The following PPARGC1A variants were observed in gnomAD, a reference collection of about 807,000 sequenced individuals.
The protein encoded by PPARGC1A is peroxisome proliferator-activated receptor gamma coactivator 1-alpha.
In PPARGC1A, 25 loss-of-function variants were observed where a neutral mutation model predicts 88.7. The ratio of observed to expected loss-of-function variants is 0.28; its 90% CI spans 0.21 to 0.39. The LOEUF (loss-of-function observed/expected upper bound fraction) is 0.39, where lower values mean the gene tolerates loss of function less well. Ranked by LOEUF, PPARGC1A falls within the 10% of genes least tolerant of loss-of-function variation. The pLI is 1.00. For synonymous variants in PPARGC1A, 363 were observed against 355.6 expected, an observed-to-expected ratio of 1.02 and a Z score of -0.24; for missense variants, 880 against 968.7, an observed-to-expected ratio of 0.91 and a Z score of 1.22.
At chr4:23,963,313 T>C in the PPARGC1A span, among the ~76,000 whole-genome samples, 4 of 152,194 alleles carry the variant, frequency 2.6e-5, no homozygotes, top group African/African-American at 4.8e-5. Context: ...CTTTACCCAC[T>C]GCAAGAACAT....
At position 23,813,713 on chromosome 4, in the gene PPARGC1A, A is replaced by C. The variant is rs1044267817; in HGVS notation, c.1770T>G (p.Ser590=). ...RSPYSRSRSR[S]PGSRSSSRSC... ...ACCTTGAAGAGGATCTACTGCCTGG[A>C]GACCTTGATCTTGACCTGGAATATG... Residue 590 remains serine, a synonymous_variant, in exon 8 of 13, where the codon TCT becomes TCG. Coordinates refer to ENST00000264867, the MANE Select transcript of PPARGC1A (RefSeq NM_013261.5). 1 of 1,605,846 alleles carries C rather than the reference A, an allele frequency of 6.2e-7. No individual in the cohort carries two copies. Among genetic ancestry groups the C allele is most frequent in the Non-Finnish European group, 8.5e-7 (1 of 1,175,166 alleles).
intron 7 of PPARGC1A, among the ~76,000 whole-genome samples, chr4:23,821,844 G>A (rs60744128): frequency 0.024 from 3,675 of 151,726 alleles, 73 homozygotes; most frequent in Non-Finnish European, 0.038. Context: ...ATTTAAACTT[G>A]GGTTTGCCCA....
chr4:24,122,941 G>A, the PPARGC1A span, among the ~76,000 whole-genome samples: 1 of 152,090 alleles, frequency 6.6e-6, no homozygotes, highest in Non-Finnish European at 1.5e-5. Context: ...TGTGAATATG[G>A]GCATAATTTA....
chr4:24,215,237 T>A, the PPARGC1A span, among the ~76,000 whole-genome samples: 1 of 152,288 alleles, frequency 6.6e-6, no homozygotes, highest in East Asian at 1.9e-4. Flanking sequence ...ACCAGCATCT[T>A]GTCAGCCCAT....
At chr4:23,984,834 C>T in the PPARGC1A span, among the ~76,000 whole-genome samples, 2 of 152,094 alleles carry the variant, frequency 1.3e-5, no homozygotes, top group South Asian at 2.1e-4. Context: ...GAACAAGAAC[C>T]GAAATCCACA....
At chr4:23,821,143 T>C (rs1722941442) in intron 7 of PPARGC1A, among the ~76,000 whole-genome samples, 1 of 152,154 alleles carries the variant, frequency 6.6e-6, no homozygotes. Flanking sequence ...CAATGAAGCC[T>C]ATTTAACATA....
At chr4:24,208,994 T>C in the PPARGC1A span, among the ~76,000 whole-genome samples, 11 of 152,314 alleles carry the variant, frequency 7.2e-5, no homozygotes, top group African/African-American at 2.6e-4. Flanking sequence ...TACCTAATTC[T>C]AGAACCCATG....
the PPARGC1A span, among the ~76,000 whole-genome samples, chr4:24,032,142 C>T: frequency 2.6e-5 from 4 of 152,316 alleles, no homozygotes; most frequent in South Asian, 6.2e-4. Flanking sequence ...ATAATAAAAA[C>T]TAACACTCAC....
chr4:24,336,958 T>C, the PPARGC1A span, among the ~76,000 whole-genome samples: 1 of 152,126 alleles, frequency 6.6e-6, no homozygotes, highest in African/African-American at 2.4e-5. Context: ...ATGGATGACT[T>C]TGTGCAAAAA....
the PPARGC1A span, among the ~76,000 whole-genome samples, chr4:24,298,186 G>GAAAA: frequency 6.8e-6 from 1 of 147,872 alleles, no homozygotes. Context: ...ATTACCAAAT[G>GAAAA]AAAAAAAAAA....
At chr4:23,956,359 T>C in the PPARGC1A span, among the ~76,000 whole-genome samples, 1 of 152,136 alleles carries the variant, frequency 6.6e-6, no homozygotes, top group Non-Finnish European at 1.5e-5. Context: ...ATGCTGCTGG[T>C]CTTGGGACCA....
At chr4:23,890,264 A>C, upstream of PPARGC1A, 1 of 358,574 alleles carries the variant, frequency 2.8e-6, no homozygotes, top group East Asian at 5.6e-5. Flanking sequence ...AAGAAAGGAA[A>C]CACTTAGACT....
the PPARGC1A span, among the ~76,000 whole-genome samples, chr4:24,185,600 G>A: frequency 6.6e-6 from 1 of 152,274 alleles, no homozygotes; most frequent in Non-Finnish European, 1.5e-5. Flanking sequence ...TAAAGATTAA[G>A]CTCTTTGTAT....
chr4:24,231,969 GA>G, the PPARGC1A span, among the ~76,000 whole-genome samples: 2 of 152,094 alleles, frequency 1.3e-5, no homozygotes, highest in African/African-American at 4.8e-5. Flanking sequence ...CAATTTAAGA[GA>G]AAAACTTTTC....
At chr4:24,380,726 T>C in the PPARGC1A span, among the ~76,000 whole-genome samples, 1 of 152,066 alleles carries the variant, frequency 6.6e-6, no homozygotes, top group Non-Finnish European at 1.5e-5. Context: ...AATCGACATG[T>C]CTTAATGGCC....
intron 2 of PPARGC1A, among the ~76,000 whole-genome samples, chr4:23,864,953 G>A (rs1357376224): frequency 6.6e-6 from 1 of 152,194 alleles, no homozygotes; most frequent in Non-Finnish European, 1.5e-5. Context: ...GGAGGCCAAG[G>A]TGGGTGAATT....
At chr4:24,341,871 G>A in the PPARGC1A span, among the ~76,000 whole-genome samples, 5 of 152,150 alleles carry the variant, frequency 3.3e-5, no homozygotes, top group Non-Finnish European at 7.4e-5. Context: ...CTATTAAGTG[G>A]TTGTTGAGTA....
intron 1 of PPARGC1A, among the ~76,000 whole-genome samples, chr4:23,895,236 C>T (rs901526876): frequency 5.4e-5 from 8 of 149,122 alleles, no homozygotes; most frequent in Admixed American, 1.3e-4. Flanking sequence ...ATTAGCTTAG[C>T]TTTTCTCGAT....
chr4:24,432,577 A>G, the PPARGC1A span, among the ~76,000 whole-genome samples: 1 of 152,212 alleles, frequency 6.6e-6, no homozygotes, highest in Non-Finnish European at 1.5e-5. Flanking sequence ...GGACTCACCC[A>G]GCATCCAGAG....
Sources: gnomAD v4.1 joint callset for allele counts (sites outside exome capture counted in the v4.1 genomes callset) on GRCh38, gnomAD v4.1.1 for gene constraint, MANE v1.5 for transcripts, NCBI Gene and HGNC (gene_info 2026-07-23, HGNC 2026-07-21) for gene names.